C1QTNF5: variants seen among roughly 807,000 people sequenced by gnomAD.
The protein encoded by C1QTNF5 is C1q and TNF related 5.
In C1QTNF5, 5 loss-of-function variants were observed where a neutral mutation model predicts 10.9. The observed-to-expected ratio is 0.46, with a 90% CI of 0.24 to 0.97. C1QTNF5 has a LOEUF of 0.97. Ranked by LOEUF, C1QTNF5 falls within the 50% of genes least tolerant of loss-of-function variation. C1QTNF5 has a pLI of 0.19. For synonymous variants in C1QTNF5, 161 were observed against 156.5 expected, an observed-to-expected ratio of 1.03 and a Z score of -0.22; for missense variants, 281 against 339.4, an observed-to-expected ratio of 0.83 and a Z score of 1.35.
chr11:119,340,508 G>C, intron 1 of C1QTNF5, 68 bp from the exon 2 acceptor site: 2 of 1,241,976 alleles, frequency 1.6e-6, no homozygotes, highest in South Asian at 2.7e-5. Context: ...CCACCCCGGC[G>C]CGGCCCAGTC....
upstream of C1QTNF5, among the ~76,000 whole-genome samples, chr11:119,342,254 T>A (rs1162373497): frequency 1.3e-5 from 2 of 152,222 alleles, no homozygotes; most frequent in East Asian, 3.8e-4. Flanking sequence ...TTGCAGGGAC[T>A]GCTTGGGCAT....
chr11:119,342,080 G>A, upstream of C1QTNF5: 1 of 1,478,772 alleles, frequency 6.8e-7, no homozygotes, highest in Non-Finnish European at 9.3e-7. Context: ...GTGTACATGG[G>A]TCCAATGGGG....
In C1QTNF5 at chr11:119,340,706, G is replaced by A. The variant is rs1950494768; in HGVS notation, c.-55C>T. 4 of 411,446 alleles carry A rather than the reference G, an allele frequency of 9.7e-6. No individual in the cohort carries two copies. The highest frequency in any genetic ancestry group is 2.2e-5 in the African/African-American group (1 of 46,286). The allele number at this position is 411,446 out of a possible 1,614,324, so 25.5% of individuals were successfully genotyped here. ...TCCGCCAGACTCACCCCCCCTCCCGGCTCCCCGATGGCCTCCTTCGGGGCG... is the reference window on the plus strand; with the variant it reads ...TCCGCCAGACTCACCCCCCCTCCCGACTCCCCGATGGCCTCCTTCGGGGCG... On this transcript the variant is annotated 5_prime_UTR_variant, in exon 1 of 3. Coordinates refer to ENST00000528368, the MANE Select transcript of C1QTNF5 (RefSeq NM_001278431.2).
At chr11:119,341,422 C>G (rs886047827), upstream of C1QTNF5, 8 of 780,442 alleles carry the variant, frequency 1.0e-5, no homozygotes, top group Non-Finnish European at 1.4e-5. Flanking sequence ...TCTCTTCCCC[C>G]TCCCTGGGAG....
upstream of C1QTNF5, chr11:119,344,051 G>T (rs1269178466): frequency 2.0e-6 from 3 of 1,520,268 alleles, no homozygotes; most frequent in Admixed American, 5.1e-5. Flanking sequence ...CCCCACTGCT[G>T]GCTGGGGGGA....
upstream of C1QTNF5, chr11:119,341,534 G>A (rs762577318): frequency 3.1e-6 from 5 of 1,607,178 alleles, no homozygotes; most frequent in South Asian, 3.3e-5. Context: ...AGAGGGCAGG[G>A]GCCGGCTTCA....
rs1950486304 is a variant in C1QTNF5, at chr11:119,340,138, G to C, written c.214+46C>G. 2.0e-6 allele frequency: 3 copies of C among 1,494,612 alleles called. No homozygotes were observed. The Admixed American group carries it at 6.9e-5, about 35-fold the overall frequency. 92.6% of individuals were successfully genotyped at this position (1,494,612 alleles called of 1,614,324 possible). On this transcript the variant is annotated intron_variant, in intron 2 of 2. Transcript: ENST00000528368. ...CACCGGGAGCTGGAGCTGCGGCCGC[G>C]CCTGCTCGGACATCGCCACCGATAG...
upstream of C1QTNF5, chr11:119,344,771 C>T (rs746639021): frequency 2.5e-6 from 4 of 1,613,744 alleles, no homozygotes; most frequent in Non-Finnish European, 8.5e-7. Flanking sequence ...GATGTGGGCA[C>T]CAGGAGTCAG....
At position 119,339,843 on chromosome 11, in the gene C1QTNF5, G is replaced by A. The variant is rs780496823; in HGVS notation, c.220C>T (p.Pro74Ser). Residue 74 changes from proline (P) to serine (S), a missense_variant, in exon 3 of 3, where the codon CCG becomes TCG. By Grantham distance (74) the Pro-to-Ser change is moderately conservative. Transcript: ENST00000528368. The surrounding 1 kb of genome is among the most constrained non-coding windows in gnomAD (Gnocchi z 5.4). Reference protein sequence around the residue: ...EKGEGGRPGLPGPRGDPGPRG... With the variant: ...EKGEGGRPGLSGPRGDPGPRG... ...GGCCCGGGGTCCCCTCGAGGTCCCGGCAGTCCTGCGGGGTAAGCGGGGCGG... is the reference window on the plus strand; with the variant it reads ...GGCCCGGGGTCCCCTCGAGGTCCCGACAGTCCTGCGGGGTAAGCGGGGCGG... 1 of 1,490,654 alleles carries A rather than the reference G, an allele frequency of 6.7e-7. No individual in the cohort carries two copies. Among genetic ancestry groups the A allele is most frequent in the Non-Finnish European group, 8.9e-7 (1 of 1,127,778 alleles). The allele number at this position is 1,490,654 out of a possible 1,614,324, so 92.3% of individuals were successfully genotyped here.
At chr11:119,346,195 C>T in the C1QTNF5 span, 3 of 1,568,806 alleles carry the variant, frequency 1.9e-6, no homozygotes, top group Non-Finnish European at 2.6e-6. Context: ...AAAGCCCCTT[C>T]TGTTGGGTAT....
At chr11:119,342,876 C>T (rs751958579), upstream of C1QTNF5, 5 of 1,613,000 alleles carry the variant, frequency 3.1e-6, no homozygotes, top group African/African-American at 6.7e-5. Flanking sequence ...CACCTACTCT[C>T]CGTGGCATTG....
Position 119,340,345 on chromosome 11 carries a change from G to T in C1QTNF5, c.53C>A (p.Pro18Gln). 1 of 1,544,012 alleles carries T rather than the reference G, an allele frequency of 6.5e-7. No homozygotes were observed. The highest frequency in any genetic ancestry group is 1.2e-5 in the South Asian group (1 of 83,420). Residue 18 changes from proline (P) to glutamine (Q), a missense_variant, in exon 2 of 3, where the codon CCA becomes CAA. Pro to Gln is a moderately conservative substitution (Grantham distance 76). Coordinates refer to ENST00000528368, the MANE Select transcript of C1QTNF5 (RefSeq NM_001278431.2). ...LLLGLAAGSP[P>Q]LDDNKIPSLC... ...GCTGGGGATCTTGTTGTCGTCCAGT[G>T]GGGGCGAGCCGGCCGCCAGGCCCAG...
Position 119,340,792 on chromosome 11 carries a change from G to A in C1QTNF5, c.-141C>T. On this transcript the variant is annotated 5_prime_UTR_variant, in exon 1 of 3. Coordinates refer to ENST00000528368, the MANE Select transcript of C1QTNF5 (RefSeq NM_001278431.2). Reference sequence around the variant, plus strand: ...AGCCCCCGCGCTTCTCCCCGGCCAGGCGCCCCCTGCCCTGCCGTCACCCCA... The same window carrying A: ...AGCCCCCGCGCTTCTCCCCGGCCAGACGCCCCCTGCCCTGCCGTCACCCCA... 3.8e-6 allele frequency: 1 copy of A among 260,974 alleles called. No homozygotes were observed. The highest frequency in any genetic ancestry group is 7.3e-6 in the Non-Finnish European group (1 of 136,254). The allele number at this position is 260,974 out of a possible 1,614,324, so 16.2% of individuals were successfully genotyped here. A position where few individuals can be genotyped will look rare whatever the true frequency, so the allele number is the denominator to read the frequency against.
At chr11:119,346,386 A>AGAT in the C1QTNF5 span, 1 of 1,612,730 alleles carries the variant, frequency 6.2e-7, no homozygotes, top group Admixed American at 1.7e-5. Flanking sequence ...TGGAAGGGGG[A>AGAT]GATACTTGAG....
chr11:119,345,910 G>C (rs199473708), upstream of C1QTNF5: 2 of 1,613,690 alleles, frequency 1.2e-6, no homozygotes, highest in Non-Finnish European at 1.7e-6. Flanking sequence ...CGCCCCAGAT[G>C]GGGGTGCAGC....
At chr11:119,342,519 C>T, upstream of C1QTNF5, 3 of 1,574,856 alleles carry the variant, frequency 1.9e-6, no homozygotes, top group Admixed American at 1.8e-5. Context: ...TGGGATGGGA[C>T]ACTGTGCAGT....
At chr11:119,341,184 C>T (rs571257486), upstream of C1QTNF5, 1 of 302,952 alleles carries the variant, frequency 3.3e-6, no homozygotes, top group Non-Finnish European at 6.4e-6. Flanking sequence ...GGACAGGGGC[C>T]TGCCACATGA....
upstream of C1QTNF5, among the ~76,000 whole-genome samples, chr11:119,343,178 A>G (rs951619711): frequency 2.0e-5 from 3 of 152,182 alleles, no homozygotes; most frequent in African/African-American, 7.2e-5. Flanking sequence ...AAAGCATTAA[A>G]CAAACTGTCT....
chr11:119,342,558 C>A (rs1443994530), upstream of C1QTNF5: 3 of 1,610,564 alleles, frequency 1.9e-6, no homozygotes, highest in East Asian at 2.2e-5. Flanking sequence ...GAGGTGGGCA[C>A]CCAGCCTGCT....
Sources: gnomAD v4.1 joint callset for allele counts (sites outside exome capture counted in the v4.1 genomes callset) on GRCh38, gnomAD v4.1.1 for gene constraint, Gnocchi (gnomAD v3.1) non-coding constraint, MANE v1.5 for transcripts, NCBI Gene and HGNC (gene_info 2026-07-23, HGNC 2026-07-21) for gene names.